Variants in TRPC6 observed in about 807,000 individuals in gnomAD.
TRPC6 encodes short transient receptor potential channel 6.
TRPC6 carries 55 observed loss-of-function variants against 90.7 expected under a neutral mutation model. That is an observed-to-expected ratio of 0.61 (90% CI 0.49 to 0.76). The LOEUF (loss-of-function observed/expected upper bound fraction) is 0.76, where lower values mean the gene tolerates loss of function less well. Among genes scored for constraint, TRPC6 ranks in the 30% least tolerant of loss-of-function variants. The probability of loss-of-function intolerance (pLI) is 0.00; values close to 1 mark genes in which losing one functional copy is unlikely to be tolerated. For missense variants in TRPC6, 989 were observed against 1,122.7 expected, an observed-to-expected ratio of 0.88 and a Z score of 1.70; for synonymous variants, 393 against 393.0, an observed-to-expected ratio of 1.00 and a Z score of 0.00.
At chr11:101,487,798 C>T (rs966276231) in intron 4 of TRPC6, among the ~76,000 whole-genome samples, 3 of 152,010 alleles carry the variant, frequency 2.0e-5, no homozygotes. Context: ...ATGGATTTTA[C>T]TCTCATAAGA....
At chr11:101,478,641 A>G (rs988625892) in intron 5 of TRPC6, among the ~76,000 whole-genome samples, 1 of 152,132 alleles carries the variant, frequency 6.6e-6, no homozygotes, top group African/African-American at 2.4e-5. Context: ...GAGAGCTGCC[A>G]AGGAGAGTTT....
At chr11:101,577,517 GAAAT>G (rs1308353897) in intron 1 of TRPC6, among the ~76,000 whole-genome samples, 1 of 152,112 alleles carries the variant, frequency 6.6e-6, no homozygotes, top group Non-Finnish European at 1.5e-5. Context: ...ATTTTAAAAA[GAAAT>G]AAAGTTTGGA....
intron 1 of TRPC6, among the ~76,000 whole-genome samples, chr11:101,580,945 T>C (rs922439905): frequency 6.6e-6 from 1 of 152,232 alleles, no homozygotes; most frequent in Non-Finnish European, 1.5e-5. Context: ...AGGTGTGAAG[T>C]ACTTTTGTTT....
intron 1 of TRPC6, among the ~76,000 whole-genome samples, chr11:101,524,576 T>C (rs571736949): frequency 6.6e-6 from 1 of 152,368 alleles, no homozygotes; most frequent in African/African-American, 2.4e-5. Context: ...TAAATGTATT[T>C]AAATCACAAA....
At chr11:101,491,783 C>G (rs565696780) in intron 2 of TRPC6, 45 bp from the exon 3 acceptor site, 15 of 1,533,206 alleles carry the variant, frequency 9.8e-6, no homozygotes, top group Middle Eastern at 1.8e-4. Flanking sequence ...GAGAATACCA[C>G]GTTTTACTAT....
intron 10 of TRPC6, among the ~76,000 whole-genome samples, chr11:101,465,287 G>A (rs1460232818): frequency 6.6e-6 from 1 of 152,086 alleles, no homozygotes; most frequent in African/African-American, 2.4e-5. Flanking sequence ...TTCTCAAGGA[G>A]TATCTTTGTG....
intron 1 of TRPC6, among the ~76,000 whole-genome samples, chr11:101,545,909 G>A (rs1406036862): frequency 6.6e-6 from 1 of 151,916 alleles, no homozygotes; most frequent in Non-Finnish European, 1.5e-5. Context: ...TCACACAGAT[G>A]GGCCCTTCAT....
chr11:101,504,857 A>T, intron 1 of TRPC6, 59 bp from the exon 2 acceptor site: 1 of 1,583,134 alleles, frequency 6.3e-7, no homozygotes, highest in Non-Finnish European at 8.6e-7. Context: ...AGTGTGCCAA[A>T]TGACTTGCCA....
intron 6 of TRPC6, among the ~76,000 whole-genome samples, chr11:101,475,728 T>C (rs1276982749): frequency 6.6e-6 from 1 of 152,096 alleles, no homozygotes; most frequent in African/African-American, 2.4e-5. Flanking sequence ...TCATATACCA[T>C]TTGTCTTTCT....
chr11:101,522,417 C>T (rs180722234), intron 1 of TRPC6, among the ~76,000 whole-genome samples: 15 of 152,258 alleles, frequency 9.9e-5, no homozygotes, highest in African/African-American at 3.1e-4. Flanking sequence ...GCCTCCTGTA[C>T]AGCCTGCAGA....
chr11:101,570,692 T>C (rs1000558024), intron 1 of TRPC6, among the ~76,000 whole-genome samples: 1 of 152,160 alleles, frequency 6.6e-6, no homozygotes, highest in African/African-American at 2.4e-5. Flanking sequence ...GTTGGCGTCA[T>C]CTCTGGGATG....
intron 1 of TRPC6, among the ~76,000 whole-genome samples, chr11:101,582,320 G>A (rs1025452989): frequency 1.3e-5 from 2 of 152,144 alleles, no homozygotes; most frequent in African/African-American, 4.8e-5. Flanking sequence ...TCTGCCAGGC[G>A]CCTATGGGGT....
chr11:101,531,183 AATC>A (rs1346818475), intron 1 of TRPC6, among the ~76,000 whole-genome samples: 7 of 152,254 alleles, frequency 4.6e-5, no homozygotes, highest in Admixed American at 3.9e-4. Flanking sequence ...ACATACATCA[AATC>A]ATCATGTCGT....
chr11:101,549,253 C>T (rs4754775), intron 1 of TRPC6, among the ~76,000 whole-genome samples: 36,864 of 151,510 alleles, frequency 0.24, 4,790 homozygotes, highest in East Asian at 0.41. Flanking sequence ...AACTTATTCA[C>T]TAGGTTGATT....
At chr11:101,493,643 A>G (rs939214577) in intron 2 of TRPC6, among the ~76,000 whole-genome samples, 1 of 152,210 alleles carries the variant, frequency 6.6e-6, no homozygotes, top group African/African-American at 2.4e-5. Flanking sequence ...CATTTTGCAC[A>G]TGAAAAAACT....
chr11:101,472,856 G>A (rs1324837904), intron 7 of TRPC6, among the ~76,000 whole-genome samples: 1 of 152,014 alleles, frequency 6.6e-6, no homozygotes, highest in Non-Finnish European at 1.5e-5. Flanking sequence ...CACTTCCCTG[G>A]CAAACTGTAT....
At chr11:101,534,079 T>C (rs1860977232) in intron 1 of TRPC6, among the ~76,000 whole-genome samples, 1 of 152,180 alleles carries the variant, frequency 6.6e-6, no homozygotes, top group Admixed American at 6.5e-5. Flanking sequence ...TTATCCTTCC[T>C]CAATGATGGA....
At chr11:101,569,987 A>G (rs1861922789) in intron 1 of TRPC6, among the ~76,000 whole-genome samples, 1 of 151,838 alleles carries the variant, frequency 6.6e-6, no homozygotes, top group South Asian at 2.1e-4. Context: ...AACAAACTCA[A>G]TAAGCTAGCA....
chr11:101,462,538 T>C (rs1859030203), intron 10 of TRPC6, among the ~76,000 whole-genome samples: 1 of 152,288 alleles, frequency 6.6e-6, no homozygotes, highest in African/African-American at 2.4e-5. Context: ...CCCTTGTAAG[T>C]TGCATTCCTA....
Sources: allele counts gnomAD v4.1 joint callset (sites outside exome capture counted in the v4.1 genomes callset), GRCh38; gene constraint gnomAD v4.1.1; transcripts MANE v1.5; gene names NCBI Gene and HGNC (gene_info 2026-07-23, HGNC 2026-07-21).